The following PDZD2 variants were observed in gnomAD, a reference collection of about 807,000 sequenced individuals.
PDZD2 encodes PDZ domain-containing protein 2.
A neutral mutation model predicts 220.7 loss-of-function variants in PDZD2; 90 were observed. The ratio of observed to expected loss-of-function variants is 0.41; its 90% CI spans 0.34 to 0.49. The LOEUF is 0.49. Among genes scored for constraint, PDZD2 ranks in the 20% least tolerant of loss-of-function variants. The probability of loss-of-function intolerance (pLI) is 0.28; values close to 1 mark genes in which losing one functional copy is unlikely to be tolerated. For synonymous variants in PDZD2, 1,375 were observed against 1,450.5 expected (o/e 0.95, Z 1.18); for missense variants, 3,174 against 3,608.5 (o/e 0.88, Z 3.08).
chr5:31,992,956 GCCAGGACAACAT>G (rs1751345337), intron 3 of PDZD2, among the ~76,000 whole-genome samples: 1 of 151,596 alleles, frequency 6.6e-6, no homozygotes, highest in Non-Finnish European at 1.5e-5. Context: ...GGCCCAGAAA[GCCAGGACAACAT>G]CCAGTCAGCA....
In PDZD2 at chr5:32,089,090, G is replaced by A. The variant is rs1742813846; in HGVS notation, c.5642G>A (p.Cys1881Tyr). 6.2e-7 allele frequency: 1 copy of A among 1,614,094 alleles called. No individual in the cohort carries two copies. Residue 1881 changes from cysteine (C) to tyrosine (Y), a missense_variant, in exon 20 of 25, where the codon TGT becomes TAT. Transcript: ENST00000438447. ...MLLTNGQKAK[C>Y]GPKLKRLSLK... ...CTGACTAATGGTCAGAAGGCAAAGT[G>A]TGGTCCGAAGCTGAAGAGGCTCAGC...
chr5:31,685,198 T>C (rs962969882), intron 1 of PDZD2, among the ~76,000 whole-genome samples: 2 of 152,206 alleles, frequency 1.3e-5, no homozygotes, highest in East Asian at 1.9e-4. Context: ...TTGCTGGCTA[T>C]TATGGTTATT....
chr5:31,677,775 G>A (rs191489702), intron 1 of PDZD2, among the ~76,000 whole-genome samples: 315 of 152,160 alleles, frequency 2.1e-3, no homozygotes, highest in African/African-American at 6.9e-3. Flanking sequence ...GAGTACATAC[G>A]GCATAAATGC....
At chr5:32,028,684 G>GT (rs1287949594) in intron 6 of PDZD2, among the ~76,000 whole-genome samples, 3,151 of 97,368 alleles carry the variant, frequency 0.032, 53 homozygotes, top group Middle Eastern at 0.043. Flanking sequence ...TGTTTTTTTT[G>GT]TTTTTTTTTT....
In PDZD2 at chr5:32,057,968, A is replaced by G; in HGVS notation, c.2065A>G (p.Arg689Gly). 2 of 1,614,012 alleles carry G rather than the reference A, an allele frequency of 1.2e-6. No homozygotes were observed. The highest frequency in any genetic ancestry group is 1.1e-5 in the South Asian group (1 of 91,078). The change falls in exon 12 of 25, where the codon AGA becomes GGA. Residue 689 changes from arginine (R) to glycine (G), a missense_variant. Physicochemically the swap from Arg to Gly is moderately radical, Grantham distance 125 (BLOSUM62 -2). Transcript: ENST00000438447. ...TPCSTPTHMS[R>G]SASPNFNTSG... The stretch of plus-strand genomic sequence containing the variant: ...CTGCTCGACACCCACACACATGAGC[A>G]GATCCGCCTCCCCGAACTTCAATAC...
intron 6 of PDZD2, among the ~76,000 whole-genome samples, chr5:32,012,955 T>A (rs903256062): frequency 1.3e-5 from 2 of 152,100 alleles, no homozygotes; most frequent in African/African-American, 4.8e-5. Flanking sequence ...AGTAATGTTT[T>A]ACTATGTAAA....
At position 31,855,514 on chromosome 5, in the gene PDZD2, G is replaced by A. The variant is rs530358721; in HGVS notation, c.476+55790G>A. Among the ~76,000 whole-genome samples, 21 of 152,364 alleles carry A rather than the reference G, an allele frequency of 1.4e-4. 1 individual carries two copies. The South Asian group carries it at 3.7e-3, about 27-fold the overall frequency. On this transcript the variant is annotated intron_variant, in intron 2 of 24. Transcript: ENST00000438447. Reference sequence around the variant, plus strand: ...AATAGGGGGTTCCGGAGCCACGGCGGTTTCAGAACCTTGGGGCCTGTGCCG... The same window carrying A: ...AATAGGGGGTTCCGGAGCCACGGCGATTTCAGAACCTTGGGGCCTGTGCCG...
intron 5 of PDZD2, among the ~76,000 whole-genome samples, chr5:32,006,599 A>G (rs1014507347): frequency 6.7e-6 from 1 of 148,314 alleles, no homozygotes; most frequent in Non-Finnish European, 1.5e-5. Context: ...CTGGTCTCAA[A>G]CTCCTGCCCT....
At chr5:31,969,975 C>T (rs370062272) in intron 2 of PDZD2, among the ~76,000 whole-genome samples, 5 of 151,670 alleles carry the variant, frequency 3.3e-5, no homozygotes, top group East Asian at 3.9e-4. Flanking sequence ...CTCGGCTCAC[C>T]GCAACTTCCG....
intron 1 of PDZD2, among the ~76,000 whole-genome samples, chr5:31,706,738 G>A (rs1747841158): frequency 6.6e-6 from 1 of 151,882 alleles, no homozygotes; most frequent in African/African-American, 2.4e-5. Flanking sequence ...CAGCTACTTG[G>A]GAGGCTGAGG....
chr5:31,904,033 C>CTTT (rs1289381668), intron 2 of PDZD2, among the ~76,000 whole-genome samples: 12 of 136,026 alleles, frequency 8.8e-5, no homozygotes, highest in African/African-American at 2.4e-4. Context: ...CACCCAGCCA[C>CTTT]TTTTTTTTTT....
In PDZD2 at chr5:31,920,800, C is replaced by T. The variant is rs1345782970; in HGVS notation, c.477-62355C>T. Among the ~76,000 whole-genome samples the T allele has an allele frequency of 3.9e-5, 6 of 152,262 alleles. No individual in the cohort carries two copies. The South Asian group carries it at 8.3e-4, about 21-fold the overall frequency. Reference sequence around the variant, plus strand: ...CCCTTTTTCCCTCCAACACTTGGCACCCAGGGATCTTCTTACTGTCTCCAT... The same window carrying T: ...CCCTTTTTCCCTCCAACACTTGGCATCCAGGGATCTTCTTACTGTCTCCAT... On this transcript the variant is annotated intron_variant, in intron 2 of 24. Transcript: ENST00000438447.
intron 5 of PDZD2, among the ~76,000 whole-genome samples, chr5:32,008,123 CTA>C (rs1265202876): frequency 7.4e-6 from 1 of 135,766 alleles, no homozygotes; most frequent in African/African-American, 2.7e-5. Flanking sequence ...GACCCCATCT[CTA>C]TAAAATAATA....
intron 2 of PDZD2, among the ~76,000 whole-genome samples, chr5:31,941,294 A>G (rs1164876419): frequency 6.6e-6 from 1 of 152,190 alleles, no homozygotes; most frequent in Non-Finnish European, 1.5e-5. Flanking sequence ...AGTTTGCAAC[A>G]CTTTGACTTC....
At chr5:31,875,359 C>T (rs1432219849) in intron 2 of PDZD2, among the ~76,000 whole-genome samples, 7 of 151,858 alleles carry the variant, frequency 4.6e-5, no homozygotes, top group African/African-American at 7.3e-5. Flanking sequence ...CGAGGCAGAC[C>T]GATCACTTGA....
At chr5:31,720,178 T>G (rs1231609888) in intron 1 of PDZD2, among the ~76,000 whole-genome samples, 3 of 152,232 alleles carry the variant, frequency 2.0e-5, no homozygotes, top group Non-Finnish European at 4.4e-5. Flanking sequence ...CTCTTCTAAT[T>G]GGCAGAGCCC....
At chr5:31,919,730 A>AAAT (rs3037134) in intron 2 of PDZD2, among the ~76,000 whole-genome samples, 2 of 140,144 alleles carry the variant, frequency 1.4e-5, no homozygotes, top group African/African-American at 5.3e-5. Context: ...AAAAAAAAAA[A>AAAT]GGCCAGGCAC....
At chr5:31,652,135 T>C (rs112648915) in intron 1 of PDZD2, among the ~76,000 whole-genome samples, 1 of 103,316 alleles carries the variant, frequency 9.7e-6, no homozygotes, top group Non-Finnish European at 2.0e-5. Context: ...CTGGCCTGGG[T>C]TTTTTTTTGT....
intron 1 of PDZD2, among the ~76,000 whole-genome samples, chr5:31,785,361 A>G (rs1369781539): frequency 6.7e-6 from 1 of 148,178 alleles, no homozygotes; most frequent in East Asian, 1.9e-4. Context: ...CCATATATAT[A>G]TGTCATATAT....
Sources: gnomAD v4.1 joint callset for allele counts (sites outside exome capture counted in the v4.1 genomes callset) on GRCh38, gnomAD v4.1.1 for gene constraint, MANE v1.5 for transcripts, NCBI Gene and HGNC (gene_info 2026-07-23, HGNC 2026-07-21) for gene names.